Variants in MAEL observed in about 807,000 individuals in gnomAD.
MAEL encodes the protein maelstrom spermatogenic transposon silencer, also known as protein maelstrom homolog.
MAEL carries 46 observed loss-of-function variants against 62.0 expected under a neutral mutation model. That is an observed-to-expected ratio of 0.74 (90% CI 0.59 to 0.95). The LOEUF (loss-of-function observed/expected upper bound fraction) is 0.95, where lower values mean the gene tolerates loss of function less well. Among genes scored for constraint, MAEL ranks in the 40% least tolerant of loss-of-function variants. The probability of loss-of-function intolerance (pLI) is 0.00; values close to 1 mark genes in which losing one functional copy is unlikely to be tolerated. For synonymous variants in MAEL, 172 were observed against 175.5 expected (o/e 0.98, Z 0.16); for missense variants, 497 against 526.8 (o/e 0.94, Z 0.55).
In MAEL at chr1:167,017,830, C is replaced by T; in HGVS notation, c.912C>T (p.Tyr304=). 2 of 1,609,690 alleles carry T rather than the reference C, an allele frequency of 1.2e-6. No individual in the cohort carries two copies. Among genetic ancestry groups the T allele is most frequent in the East Asian group, 2.2e-5 (1 of 44,796 alleles). The part of the protein sequence containing the change: ...CALAVCKKIA[Y]CISNSLATLF... ...GAGATTTTTATTTCTTTTAAAGGTA[C>T]TGCATCAGTAATTCTCTGGCCACTC... The change falls in exon 10 of 12, where the codon TAC becomes TAT. Residue 304 remains tyrosine (Y), a synonymous_variant. Transcript: ENST00000367872.
chr1:167,010,195 G>A (rs1665109405), intron 8 of MAEL, among the ~76,000 whole-genome samples: 1 of 152,096 alleles, frequency 6.6e-6, no homozygotes, highest in Non-Finnish European at 1.5e-5. Flanking sequence ...TTGTGAAGAA[G>A]GTGGCTGCTT....
At chr1:167,019,162 T>C (rs1665515956) in intron 10 of MAEL, among the ~76,000 whole-genome samples, 2 of 152,088 alleles carry the variant, frequency 1.3e-5, no homozygotes, top group South Asian at 4.2e-4. Context: ...TTGTCACATC[T>C]GGGGAGGGGG....
In MAEL at chr1:166,978,542, TA is replaced by T. The variant is rs1423965210; in HGVS notation, c.-121+2877del. 3.3e-5 allele frequency among the ~76,000 whole-genome samples: 5 copies of T among 152,294 alleles called. No individual in the cohort carries two copies. In the East Asian group the frequency reaches 9.6e-4, roughly 29 times the overall value. ...TGAACTTCCAGTATCAGGATCATATTACTGTGTTTGCTTAAACACAGATTCA... is the reference window on the plus strand; with the variant it reads ...TGAACTTCCAGTATCAGGATCATATTCTGTGTTTGCTTAAACACAGATTCA... On this transcript the variant is annotated intron_variant, in intron 1 of 12. Coordinates refer to the MAEL transcript ENST00000622874.
Position 167,005,115 on chromosome 1 carries a change from A to T in MAEL, c.688A>T (p.Met230Leu). The change falls in exon 7 of 12, where the codon ATG becomes TTG. Residue 230 changes from methionine (M) to leucine (L), a missense_variant. Transcript: ENST00000367872. ...CAGAGTCAACTGGTGTTTGAAGCATATGGCAAAGGCATCAGGTAAGTAAAA... is the reference window on the plus strand; with the variant it reads ...CAGAGTCAACTGGTGTTTGAAGCATTTGGCAAAGGCATCAGGTAAGTAAAA... ...RTRVNWCLKH[M>L]AKASEIRQDL... 1 of 1,613,718 alleles carries T rather than the reference A, an allele frequency of 6.2e-7. No homozygotes were observed. The highest frequency in any genetic ancestry group is 8.5e-7 in the Non-Finnish European group (1 of 1,179,776).
chr1:167,021,781 T>TC lies in MAEL; in HGVS notation c.1233dup (p.Asn412GlnfsTer3). 6.2e-7 allele frequency: 1 copy of TC among 1,613,156 alleles called. No homozygotes were observed. Among genetic ancestry groups the TC allele is most frequent in the Non-Finnish European group, 8.5e-7 (1 of 1,179,268 alleles). On this transcript the variant is annotated frameshift_variant, in exon 12 of 12. Coordinates refer to ENST00000367872, the MANE Select transcript of MAEL (RefSeq NM_032858.3). LOFTEE classifies it high-confidence loss of function. The stretch of plus-strand genomic sequence containing the variant: ...TTCTTCCAGCAATATCCACAAATTC[T>TC]CCAACTGTGACACTTCACTCTCACC...
At position 167,016,284 on chromosome 1, in the gene MAEL, C is replaced by T. The variant is rs773190752; in HGVS notation, c.908C>T (p.Ala303Val). The change falls in exon 9 of 12, where the codon GCG becomes GTG. Residue 303 changes from alanine (A) to valine (V), a missense_variant and splice_region_variant. Physicochemically the swap from Ala to Val is moderately conservative, Grantham distance 64. Transcript: ENST00000367872. ...FCALAVCKKI[A>V]YCISNSLATL... The stretch of plus-strand genomic sequence containing the variant: ...GCTTTAGCTGTTTGCAAGAAGATTG[C>T]GTAAGTTGGGGAAAGGAGTTTCTTC... 22 of 1,612,682 alleles carry T rather than the reference C, an allele frequency of 1.4e-5. No homozygotes were observed. Among genetic ancestry groups the T allele is most frequent in the East Asian group, 6.7e-5 (3 of 44,858 alleles).
At chr1:167,015,543 C>T (rs1308005255) in intron 8 of MAEL, among the ~76,000 whole-genome samples, 1 of 152,124 alleles carries the variant, frequency 6.6e-6, no homozygotes, top group East Asian at 1.9e-4. Flanking sequence ...GAAAGATATA[C>T]ACAAGTTTAT....
intron 2 of MAEL, chr1:166,990,791 A>AC (rs1406578655): frequency 6.6e-6 from 1 of 152,324 alleles, no homozygotes; most frequent in Non-Finnish European, 1.5e-5. Flanking sequence ...TGTTGGTGCT[A>AC]CCCTACCCTT....
chr1:166,986,932 A>G (rs1349938458), upstream of MAEL, among the ~76,000 whole-genome samples: 1 of 138,310 alleles, frequency 7.2e-6, no homozygotes, highest in Non-Finnish European at 1.5e-5. Context: ...ATTAGGAATG[A>G]AAAGGAAGGG....
chr1:167,011,208 A>G (rs544259541), intron 8 of MAEL, among the ~76,000 whole-genome samples: 3 of 152,180 alleles, frequency 2.0e-5, no homozygotes, highest in African/African-American at 7.2e-5. Context: ...TCTGGACTCT[A>G]CTGCATATAA....
rs1220556541 is a variant in MAEL at position 166,989,285 on chromosome 1, G to A, written c.-68G>A. ...CGCAGGCGCCTACCTCTGTTACTTA[G>A]GGCGGGAGCCCGGCGAGGGCGCCGG... On this transcript the variant is annotated 5_prime_UTR_variant, in exon 1 of 12. Coordinates refer to ENST00000367872, the MANE Select transcript of MAEL (RefSeq NM_032858.3). The A allele has an allele frequency of 1.0e-5, 16 of 1,548,664 alleles. No homozygotes were observed. Among genetic ancestry groups the A allele is most frequent in the East Asian group, 2.4e-5 (1 of 42,510 alleles).
At chr1:166,983,778 G>C (rs1394169038) in intron 1 of MAEL, among the ~76,000 whole-genome samples, 2 of 152,064 alleles carry the variant, frequency 1.3e-5, no homozygotes, top group Admixed American at 6.6e-5. Context: ...GAGACAGGCA[G>C]ATCACTTGAG....
intron 1 of MAEL, among the ~76,000 whole-genome samples, chr1:166,981,974 T>C (rs973700028): frequency 3.3e-5 from 5 of 152,148 alleles, no homozygotes; most frequent in African/African-American, 1.2e-4. Flanking sequence ...AGACAACAGA[T>C]TGAGGTCTCT....
At chr1:167,005,574 T>G (rs530443117) in intron 8 of MAEL, 177 bp downstream of exon 8, 3 of 515,648 alleles carry the variant, frequency 5.8e-6, no homozygotes, top group South Asian at 3.8e-5. Flanking sequence ...TGTGTATCAC[T>G]AAAAACAAAC....
chr1:166,980,172 C>T (rs1356499280), intron 1 of MAEL, among the ~76,000 whole-genome samples: 3 of 152,026 alleles, frequency 2.0e-5, no homozygotes, highest in Non-Finnish European at 4.4e-5. Flanking sequence ...TGCATGCCAC[C>T]ATGCCCAGCT....
chr1:167,021,951 C>A lies in MAEL; in HGVS notation c.*96C>A. ...CAGATCACATCAATGACAAATGTCA[C>A]TACTATAAAAACTACTTAATTTGTA... On this transcript the variant is annotated 3_prime_UTR_variant, in exon 12 of 12. Coordinates refer to ENST00000367872, the MANE Select transcript of MAEL (RefSeq NM_032858.3). 1 of 771,340 alleles carries A rather than the reference C, an allele frequency of 1.3e-6. No homozygotes were observed. Among genetic ancestry groups the A allele is most frequent in the African/African-American group, 1.8e-5 (1 of 56,112 alleles). The allele number at this position is 771,340 out of a possible 1,614,324, so 47.8% of individuals were successfully genotyped here. A position where few individuals can be genotyped will look rare whatever the true frequency, so the allele number is the denominator to read the frequency against.
chr1:167,004,110 C>A, intron 5 of MAEL, 70 bp from the exon 6 acceptor site: 1 of 1,356,326 alleles, frequency 7.4e-7, no homozygotes, highest in Non-Finnish European at 1.0e-6. Context: ...TCTTGTACCC[C>A]CACTTCTATA....
At chr1:167,008,455 A>G (rs948744514) in intron 8 of MAEL, among the ~76,000 whole-genome samples, 5 of 152,032 alleles carry the variant, frequency 3.3e-5, no homozygotes, top group Admixed American at 2.6e-4. Context: ...TTTAAATTTC[A>G]TCTGTTTCAA....
intron 8 of MAEL, among the ~76,000 whole-genome samples, chr1:167,013,277 C>G (rs1245319190): frequency 6.6e-6 from 1 of 152,186 alleles, no homozygotes; most frequent in African/African-American, 2.4e-5. Context: ...GACCTCACAG[C>G]ACGTAGATGA....
Sources: allele counts gnomAD v4.1 joint callset (sites outside exome capture counted in the v4.1 genomes callset), GRCh38; gene constraint gnomAD v4.1.1; transcripts MANE v1.5; gene names NCBI Gene and HGNC (gene_info 2026-07-23, HGNC 2026-07-21).